Variants in HECTD2 observed in about 807,000 individuals in gnomAD.
HECTD2 encodes the protein HECT domain E3 ubiquitin protein ligase 2.
In HECTD2, 35 loss-of-function variants were observed where a neutral mutation model predicts 103.2. The observed-to-expected ratio is 0.34, with a 90% confidence interval of 0.26 to 0.45. The LOEUF is 0.45. Among genes scored for constraint, HECTD2 ranks in the 20% least tolerant of loss-of-function variants. HECTD2 has a pLI of 1.00. For missense variants in HECTD2, 596 were observed against 937.4 expected (o/e 0.64, Z 4.76); for synonymous variants, 281 against 329.9 (o/e 0.85, Z 1.61).
At chr10:91,481,957 A>G (rs887298155) in intron 7 of HECTD2, among the ~76,000 whole-genome samples, 1 of 151,734 alleles carries the variant, frequency 6.6e-6, no homozygotes, top group Non-Finnish European at 1.5e-5. Context: ...GAAAAAGTGG[A>G]AAAGGGGGGA....
rs1201288073 is a variant in HECTD2 at position 91,410,501 on chromosome 10, T to A, written c.63T>A (p.Pro21=). The part of the protein sequence containing the change: ...ATPLVVAAPA[P]EERKGKESER... ...CGCTGGTGGTGGCGGCGCCCGCGCC[T>A]GAGGAGAGGAAAGGGAAGGAGTCAG... Residue 21 remains proline, a synonymous_variant, in exon 1 of 21, where the codon CCT becomes CCA. Coordinates refer to ENST00000298068, the MANE Select transcript of HECTD2 (RefSeq NM_182765.6). 6.8e-7 allele frequency: 1 copy of A among 1,472,414 alleles called. No homozygotes were observed. The highest frequency in any genetic ancestry group is 1.3e-5 in the South Asian group (1 of 77,502). 91.2% of individuals were successfully genotyped at this position (1,472,414 alleles called of 1,614,324 possible).
At chr10:91,419,784 T>C (rs1001193726) in intron 1 of HECTD2, among the ~76,000 whole-genome samples, 1 of 152,148 alleles carries the variant, frequency 6.6e-6, no homozygotes, top group African/African-American at 2.4e-5. Flanking sequence ...GCTGGTTGAG[T>C]ATCCCACTAC....
At chr10:91,493,217 A>AAT (rs1290962460) in intron 13 of HECTD2, among the ~76,000 whole-genome samples, 4 of 151,306 alleles carry the variant, frequency 2.6e-5, no homozygotes, top group Non-Finnish European at 5.9e-5. Flanking sequence ...ATATATATTT[A>AAT]ATATATATAT....
At chr10:91,505,981 A>G (rs367551097) in intron 20 of HECTD2, among the ~76,000 whole-genome samples, 21,545 of 145,394 alleles carry the variant, frequency 0.15, 1,796 homozygotes, top group African/African-American at 0.44. Flanking sequence ...ACTCAAAGCC[A>G]CTCAACTACA....
At chr10:91,410,688 C>T in intron 1 of HECTD2, 112 bp downstream of exon 1, 3 of 1,013,394 alleles carry the variant, frequency 3.0e-6, no homozygotes, top group Non-Finnish European at 3.9e-6. Flanking sequence ...CGCCCTGGCA[C>T]TCCAGGGAGA....
At chr10:91,411,360 A>C (rs1842911706) in intron 1 of HECTD2, among the ~76,000 whole-genome samples, 2 of 152,230 alleles carry the variant, frequency 1.3e-5, no homozygotes, top group Non-Finnish European at 2.9e-5. Flanking sequence ...CAATTTAAAA[A>C]AAAACCTCGG....
chr10:91,465,334 G>A (rs372120035), intron 5 of HECTD2, among the ~76,000 whole-genome samples: 4 of 152,142 alleles, frequency 2.6e-5, no homozygotes, highest in Non-Finnish European at 4.4e-5. Context: ...GTGTGCATGC[G>A]AGTGTGTATG....
rs546557522 is a variant in HECTD2 at position 91,490,342 on chromosome 10, G to A, written c.1192-858G>A. ...GTTTTGTTTTTATAGATAATGCTGT[G>A]ATAAACATTGTACTGTATAAAATAT... On this transcript the variant is annotated intron_variant, in intron 11 of 20. Coordinates refer to ENST00000298068, the MANE Select transcript of HECTD2 (RefSeq NM_182765.6). Among the ~76,000 whole-genome samples the A allele has an allele frequency of 8.3e-4, 126 of 152,068 alleles. 2 individuals are homozygous for A. The highest frequency in any genetic ancestry group is 2.7e-3 in the African/African-American group (114 of 41,482).
intron 1 of HECTD2, among the ~76,000 whole-genome samples, chr10:91,415,665 G>A (rs887996501): frequency 6.6e-6 from 1 of 152,138 alleles, no homozygotes; most frequent in African/African-American, 2.4e-5. Flanking sequence ...CTGAACACTC[G>A]ACATTTGCGG....
At chr10:91,449,743 A>G (rs1055137256) in intron 2 of HECTD2, among the ~76,000 whole-genome samples, 2 of 147,976 alleles carry the variant, frequency 1.4e-5, no homozygotes, top group East Asian at 2.0e-4. Flanking sequence ...CTATACACAA[A>G]TAATAGCCAA....
chr10:91,484,111 C>A, intron 8 of HECTD2: 1 of 470,640 alleles, frequency 2.1e-6, no homozygotes, highest in African/African-American at 2.0e-5. Flanking sequence ...TCACTTTGAC[C>A]TCAGCTGGAA....
intron 2 of HECTD2, among the ~76,000 whole-genome samples, chr10:91,445,283 G>A (rs1003594770): frequency 1.3e-5 from 2 of 152,138 alleles, no homozygotes; most frequent in Admixed American, 1.3e-4. Context: ...GTAAAGAAGA[G>A]TCTATGAAGA....
intron 1 of HECTD2, among the ~76,000 whole-genome samples, chr10:91,420,626 A>G (rs1843320716): frequency 6.6e-6 from 1 of 152,238 alleles, no homozygotes; most frequent in Middle Eastern, 3.4e-3. Context: ...AAATCAGTCT[A>G]CTATGCCTCC....
At chr10:91,499,464 G>T (rs918157843) in intron 18 of HECTD2, among the ~76,000 whole-genome samples, 2 of 152,078 alleles carry the variant, frequency 1.3e-5, no homozygotes, top group African/African-American at 4.8e-5. Flanking sequence ...GGCACACAAC[G>T]CAGTTAACAT....
intron 20 of HECTD2, among the ~76,000 whole-genome samples, chr10:91,507,116 G>C: frequency 6.6e-6 from 1 of 151,902 alleles, no homozygotes; most frequent in African/African-American, 2.4e-5. Context: ...GTATTGATGG[G>C]ACATATTTCA....
chr10:91,436,886 T>C, intron 2 of HECTD2, among the ~76,000 whole-genome samples: 1 of 152,058 alleles, frequency 6.6e-6, no homozygotes, highest in East Asian at 1.9e-4. Flanking sequence ...TATGGCTATT[T>C]CACCTGTTCT....
At chr10:91,464,067 T>G (rs1237490490) in intron 5 of HECTD2, among the ~76,000 whole-genome samples, 1 of 152,214 alleles carries the variant, frequency 6.6e-6, no homozygotes, top group Non-Finnish European at 1.5e-5. Flanking sequence ...CTGAGTCTTA[T>G]GATCTTCAGC....
chr10:91,501,166 G>GTTAA (rs1846886441), intron 19 of HECTD2, 25 bp from the exon 20 acceptor site: 1 of 1,596,508 alleles, frequency 6.3e-7, no homozygotes, highest in African/African-American at 1.3e-5. Flanking sequence ...GACATTTGAT[G>GTTAA]TTAATTTCCT....
At chr10:91,472,141 C>G (rs1227558721) in intron 5 of HECTD2, among the ~76,000 whole-genome samples, 1 of 152,042 alleles carries the variant, frequency 6.6e-6, no homozygotes, top group African/African-American at 2.4e-5. Context: ...GAATAGAGAG[C>G]CTAGAACTGA....
Sources: gnomAD v4.1 joint callset for allele counts (sites outside exome capture counted in the v4.1 genomes callset) on GRCh38, gnomAD v4.1.1 for gene constraint, MANE v1.5 for transcripts, NCBI Gene and HGNC (gene_info 2026-07-23, HGNC 2026-07-21) for gene names.